Variants in MICAL3 observed in about 807,000 individuals in gnomAD.
The protein encoded by MICAL3 is [F-actin]-monooxygenase MICAL3.
MICAL3 carries 62 observed loss-of-function variants against 207.4 expected under a neutral mutation model. That is an observed-to-expected ratio of 0.30 (90% CI 0.24 to 0.37). The LOEUF is 0.37. Ranked by LOEUF, MICAL3 falls within the 10% of genes least tolerant of loss-of-function variation. The pLI is 1.00. For synonymous variants in MICAL3, 1,077 were observed against 1,069.3 expected (o/e 1.01, Z -0.14); for missense variants, 2,368 against 2,635.6 (o/e 0.90, Z 2.22).
rs951401745 is a variant in MICAL3 at position 17,918,652 on chromosome 22, T to C, written c.-74-11766A>G. On this transcript the variant is annotated intron_variant, in intron 1 of 31. Coordinates refer to ENST00000441493, the MANE Select transcript of MICAL3 (RefSeq NM_015241.3). ...GGAGCGCCCCCCAGACCTGCACCCA[T>C]ACACACGCCTTCCCTCTGTTGCCTC... is the stretch of plus-strand genomic sequence containing the variant. Among the ~76,000 whole-genome samples the C allele has an allele frequency of 6.6e-5, 10 of 152,122 alleles. No individual in the cohort carries two copies. In the East Asian group the frequency reaches 1.7e-3, roughly 26 times the overall value.
chr22:17,802,818 G>T (rs73876503), intron 29 of MICAL3, among the ~76,000 whole-genome samples: 1 of 152,094 alleles, frequency 6.6e-6, no homozygotes, highest in East Asian at 1.9e-4. Flanking sequence ...GGAGATGAAG[G>T]GGGTAGACTG....
rs751491816 is a variant in MICAL3, at chr22:17,901,948, C to A, written c.621G>T (p.Lys207Asn). The A allele has an allele frequency of 6.2e-7, 1 of 1,613,644 alleles. No homozygotes were observed. Among genetic ancestry groups the A allele is most frequent in the African/African-American group, 1.3e-5 (1 of 74,920 alleles). The change falls in exon 5 of 32, where the codon AAG becomes AAT. Residue 207 changes from lysine (K) to asparagine (N), a missense_variant. Physicochemically the swap from Lys to Asn is moderately conservative, Grantham distance 94. Around this residue, in one of 4 missense-constraint regions of MICAL3, gnomAD observed 400 missense variants for 547.0 expected, o/e 0.73. Transcript: ENST00000441493. ...ATTCATACTCTGACACAGGATGAGT[C>A]TTGGGGTGCACCAGTGCCCGCCAGC... ...RIGWRALVHP[K>N]THPVSEYEFE... is the part of the protein sequence containing the mutation.
intron 19 of MICAL3, among the ~76,000 whole-genome samples, chr22:17,855,254 C>T (rs965821151): frequency 1.3e-5 from 2 of 152,130 alleles, no homozygotes; most frequent in Non-Finnish European, 2.9e-5. Context: ...ATATTCAGCA[C>T]AAAAAGAGGT....
chr22:18,017,215 CT>C lies in MICAL3; in HGVS notation c.-75+7065del, dbSNP rs550219938. 7.5e-3 allele frequency among the ~76,000 whole-genome samples: 1,084 copies of C among 144,550 alleles called. 9 individuals are homozygous for C. Among genetic ancestry groups the C allele is most frequent in the African/African-American group, 0.019 (751 of 39,660 alleles). The allele number at this position is 144,550 out of a possible 152,430, so 94.8% of individuals were successfully genotyped here. A position where few individuals can be genotyped will look rare whatever the true frequency, so the allele number is the denominator to read the frequency against. ...GAATTATTGGTTTAACAGAGGTTAACTTTTTTTTTTTTTTTGAGACGGAGTC... is the reference window on the plus strand; with the variant it reads ...GAATTATTGGTTTAACAGAGGTTAACTTTTTTTTTTTTTTGAGACGGAGTC... On this transcript the variant is annotated intron_variant, in intron 1 of 31. Coordinates refer to ENST00000441493, the MANE Select transcript of MICAL3 (RefSeq NM_015241.3).
chr22:17,950,337 G>GT (rs764642603), intron 1 of MICAL3, among the ~76,000 whole-genome samples: 9,886 of 89,112 alleles, frequency 0.11, 592 homozygotes, highest in East Asian at 0.17. Flanking sequence ...TTTTGTTTTT[G>GT]TTTTTTTTTT....
chr22:18,019,762 G>A (rs1414140955), intron 1 of MICAL3: 5 of 216,686 alleles, frequency 2.3e-5, no homozygotes, highest in Admixed American at 4.9e-5. Context: ...CTTGGAATGC[G>A]GCTTTTTTGG....
At chr22:17,871,099 C>T (rs556508660) in intron 17 of MICAL3, among the ~76,000 whole-genome samples, 36 of 152,338 alleles carry the variant, frequency 2.4e-4, no homozygotes, top group African/African-American at 6.7e-4. Flanking sequence ...CTGCCTCCCA[C>T]GAAGTCCCTC....
intron 16 of MICAL3, chr22:17,876,895 A>C (rs1402349994): frequency 7.5e-6 from 1 of 133,710 alleles, no homozygotes; most frequent in Non-Finnish European, 1.6e-5. Context: ...GAGGTTATGG[A>C]GGTTAGGGAG....
At chr22:17,820,581 C>A (rs1921468330) in intron 25 of MICAL3, among the ~76,000 whole-genome samples, 2 of 152,162 alleles carry the variant, frequency 1.3e-5, no homozygotes, top group Non-Finnish European at 2.9e-5. Flanking sequence ...GTCTCGATCT[C>A]CTGACCTCGT....
chr22:17,990,083 T>C (rs1456396933), intron 1 of MICAL3, among the ~76,000 whole-genome samples: 1 of 151,126 alleles, frequency 6.6e-6, no homozygotes, highest in African/African-American at 2.4e-5. Context: ...ATAAATAAGT[T>C]ATTTCAGGAG....
At chr22:17,814,994 CCG>C (rs1470916135) in intron 27 of MICAL3, 32 of 152,266 alleles carry the variant, frequency 2.1e-4, no homozygotes, top group African/African-American at 7.7e-4. Flanking sequence ...CCTAGCTCGA[CCG>C]TCTCCTCGAT....
intron 1 of MICAL3, among the ~76,000 whole-genome samples, chr22:17,916,367 G>C (rs1408589935): frequency 2.6e-5 from 4 of 152,024 alleles, no homozygotes; most frequent in East Asian, 1.9e-4. Flanking sequence ...TCACCCCACT[G>C]AACTGTCTTC....
chr22:17,788,479 C>A lies in MICAL3; in HGVS notation c.*2253G>T, dbSNP rs2061802829. ...GTGGGGCCAGCAGGAGCTACAAGGG[C>A]CGAAGGCGGCTCTGCCGGGGCTGGA... is the stretch of plus-strand genomic sequence containing the variant. On this transcript the variant is annotated 3_prime_UTR_variant, in exon 32 of 32. Transcript: ENST00000441493. 1 of 152,336 alleles carries A rather than the reference C, an allele frequency of 6.6e-6. No homozygotes were observed. The highest frequency in any genetic ancestry group is 2.1e-4 in the South Asian group (1 of 4,832). The allele number at this position is 152,336 out of a possible 1,614,324, so 9.4% of individuals were successfully genotyped here. A position where few individuals can be genotyped will look rare whatever the true frequency, so the allele number is the denominator to read the frequency against.
chr22:17,819,245 C>T, intron 25 of MICAL3, 116 bp from the exon 26 acceptor site: 2 of 1,076,314 alleles, frequency 1.9e-6, no homozygotes, highest in Non-Finnish European at 2.5e-6. Flanking sequence ...CAGGACTTCC[C>T]CGTCCTTCCA....
chr22:17,809,510 T>TGTAATC (rs2062021264), intron 28 of MICAL3, among the ~76,000 whole-genome samples: 1 of 152,232 alleles, frequency 6.6e-6, no homozygotes, highest in East Asian at 1.9e-4. Flanking sequence ...GGCACAGGCC[T>TGTAATC]GTAATCCCAG....
chr22:17,908,508 C>T (rs961578350), intron 1 of MICAL3, among the ~76,000 whole-genome samples: 5 of 152,066 alleles, frequency 3.3e-5, no homozygotes, highest in Non-Finnish European at 5.9e-5. Context: ...GGGGTTTCAT[C>T]GTGTTAGCCA....
At chr22:18,014,651 T>C (rs1265096892) in intron 1 of MICAL3, among the ~76,000 whole-genome samples, 1 of 152,166 alleles carries the variant, frequency 6.6e-6, no homozygotes, top group Non-Finnish European at 1.5e-5. Flanking sequence ...TCCCCAAAGA[T>C]ATGTTCCCTA....
chr22:17,898,694 A>T (rs1931076582), intron 7 of MICAL3, among the ~76,000 whole-genome samples: 1 of 152,206 alleles, frequency 6.6e-6, no homozygotes, highest in Non-Finnish European at 1.5e-5. Flanking sequence ...CGTTGAGACC[A>T]GTGAGACCAG....
intron 19 of MICAL3, chr22:17,863,017 C>A (rs1396599634): frequency 1.0e-6 from 1 of 985,416 alleles, no homozygotes; most frequent in South Asian, 4.7e-5. Flanking sequence ...GGTGGTTTTG[C>A]TCTTTAACCA....
Sources: gnomAD v4.1 joint callset for allele counts (sites outside exome capture counted in the v4.1 genomes callset) on GRCh38, gnomAD v4.1.1 for gene constraint, gnomAD v4.1.1 regional missense constraint, MANE v1.5 for transcripts, NCBI Gene and HGNC (gene_info 2026-07-23, HGNC 2026-07-21) for gene names.